Variants in RASGRF1 observed in about 807,000 individuals in gnomAD.
The protein encoded by RASGRF1 is ras-specific guanine nucleotide-releasing factor 1.
In RASGRF1, 40 loss-of-function variants were observed where a neutral mutation model predicts 138.7. The ratio of observed to expected loss-of-function variants is 0.29; its 90% CI spans 0.22 to 0.38. The LOEUF (loss-of-function observed/expected upper bound fraction) is 0.38. Ranked by LOEUF, RASGRF1 falls within the 10% of genes least tolerant of loss-of-function variation. RASGRF1 has a pLI of 1.00. For missense variants in RASGRF1, 1,108 were observed against 1,650.4 expected (o/e 0.67, Z 5.69); for synonymous variants, 614 against 663.2 (o/e 0.93, Z 1.14).
intron 1 of RASGRF1, among the ~76,000 whole-genome samples, chr15:79,065,788 G>C (rs56227215): frequency 0.011 from 1,649 of 152,136 alleles, 35 homozygotes; most frequent in African/African-American, 0.038. Flanking sequence ...CCATCCCTCG[G>C]TGTCCAGGTG....
At chr15:78,996,128 G>C (rs1284762964) in intron 19 of RASGRF1, among the ~76,000 whole-genome samples, 1 of 152,236 alleles carries the variant, frequency 6.6e-6, no homozygotes. Flanking sequence ...TGCCAGCACA[G>C]GACTGGACAT....
intron 24 of RASGRF1, among the ~76,000 whole-genome samples, chr15:78,979,919 T>C (rs2055982335): frequency 6.6e-6 from 1 of 152,208 alleles, no homozygotes; most frequent in South Asian, 2.1e-4. Context: ...TTTGGCAATG[T>C]CTGGAGACAG....
In RASGRF1 at chr15:79,032,338, C is replaced by A. The variant is rs1431806898; in HGVS notation, c.959-22G>T. 6.2e-7 allele frequency: 1 copy of A among 1,611,440 alleles called. No individual in the cohort carries two copies. The highest frequency in any genetic ancestry group is 1.1e-5 in the South Asian group (1 of 90,676). ...TCAGCTGGAAGGACGAGGCAGTCAG[C>A]GGGTGGCTAGGGCAGCTTGGTGGGG... On this transcript the variant is annotated intron_variant, in intron 6 of 26. Coordinates refer to ENST00000558480, the MANE Select transcript of RASGRF1 (RefSeq NM_001145648.3). The surrounding 1 kb of genome is among the most constrained non-coding windows in gnomAD (Gnocchi z 4.5).
rs540903466 is a variant in RASGRF1, at chr15:79,018,100, G to A, written c.1607-194C>T. Among the ~76,000 whole-genome samples the A allele has an allele frequency of 4.6e-5, 7 of 152,368 alleles. No homozygotes were observed. The South Asian group carries it at 6.2e-4, about 14-fold the overall frequency. ...ATTTCAAAGATGGAAGAACTAAGACGTAGCTTACAACCACTCAGGGGCAGT... is the reference window on the plus strand; with the variant it reads ...ATTTCAAAGATGGAAGAACTAAGACATAGCTTACAACCACTCAGGGGCAGT... On this transcript the variant is annotated intron_variant, in intron 11 of 26. Transcript: ENST00000558480.
chr15:78,962,370 A>C, intron 26 of RASGRF1, 134 bp from the exon 27 acceptor site: 1 of 622,480 alleles, frequency 1.6e-6, no homozygotes, highest in East Asian at 2.8e-5. Context: ...GCAAAAATGC[A>C]TTCAGTAGTG....
At chr15:79,079,013 C>G (rs994313268) in intron 1 of RASGRF1, among the ~76,000 whole-genome samples, 2 of 152,354 alleles carry the variant, frequency 1.3e-5, no homozygotes, top group East Asian at 3.9e-4. Context: ...GGCTTAGAAG[C>G]CCTTGAAAGC....
intron 26 of RASGRF1, among the ~76,000 whole-genome samples, chr15:78,968,113 G>A (rs2055678947): frequency 6.6e-6 from 1 of 151,310 alleles, no homozygotes; most frequent in African/African-American, 2.4e-5. Context: ...TATAGAGACA[G>A]GGTCTCACTA....
At chr15:78,990,088 G>A in intron 22 of RASGRF1, 101 bp downstream of exon 22, 1 of 990,758 alleles carries the variant, frequency 1.0e-6, no homozygotes, top group Non-Finnish European at 1.6e-6. Flanking sequence ...GGACCCAGGA[G>A]TCTGGTTCCA....
chr15:78,985,804 A>G (rs537297700), intron 22 of RASGRF1: 1 of 152,332 alleles, frequency 6.6e-6, no homozygotes, highest in East Asian at 1.9e-4. Flanking sequence ...GCATGCCTGT[A>G]ATCTCAGCTA....
In RASGRF1 at chr15:79,015,503, A is replaced by C. The variant is rs967367672; in HGVS notation, c.1744-94T>G. The C allele has an allele frequency of 4.5e-6, 5 of 1,122,086 alleles. 1 individual carries two copies. The highest frequency in any genetic ancestry group is 2.3e-4 in the Middle Eastern group (1 of 4,282). The allele number at this position is 1,122,086 out of a possible 1,614,324, so 69.5% of individuals were successfully genotyped here. A position where few individuals can be genotyped will look rare whatever the true frequency, so the allele number is the denominator to read the frequency against. ...GCCAACTGTAAAGTTCACATGCCTC[A>C]GTCTGATACAGGGTCCTCAAGCTTC... On this transcript the variant is annotated intron_variant, in intron 12 of 26. Coordinates refer to ENST00000558480, the MANE Select transcript of RASGRF1 (RefSeq NM_001145648.3).
Position 79,032,117 on chromosome 15 carries a change from C to T in RASGRF1, c.1152+6G>A, listed in dbSNP as rs370550003. ...TCTACCCCACCCAGGCAGGGCCGGA[C>T]GCCACCTGGAACATGGGGTAGGTGA... On this transcript the variant is annotated splice_donor_region_variant and intron_variant, in intron 7 of 26. Transcript: ENST00000558480. This position sits in a 1 kb window ranked among gnomAD's most constrained non-coding sequence, Gnocchi z 4.5. 4.1e-5 allele frequency: 66 copies of T among 1,612,566 alleles called. No individual in the cohort carries two copies. The highest frequency in any genetic ancestry group is 3.8e-4 in the Admixed American group (23 of 59,912).
At chr15:78,981,817 C>T (rs181826171) in intron 23 of RASGRF1, among the ~76,000 whole-genome samples, 19 of 152,350 alleles carry the variant, frequency 1.2e-4, no homozygotes, top group East Asian at 1.9e-4. Flanking sequence ...ACACACCACA[C>T]GGAGTCAAGG....
At chr15:79,035,942 C>T (rs897684404) in intron 5 of RASGRF1, among the ~76,000 whole-genome samples, 3 of 152,222 alleles carry the variant, frequency 2.0e-5, no homozygotes, top group Admixed American at 6.5e-5. Context: ...CCTGTTTTGT[C>T]GCCACGTAAC....
chr15:79,000,322 A>C (rs1307163965), intron 16 of RASGRF1, among the ~76,000 whole-genome samples: 2 of 152,240 alleles, frequency 1.3e-5, no homozygotes, highest in East Asian at 3.9e-4. Flanking sequence ...GACATCCATA[A>C]CAATTCATAC....
rs2056480062 is a variant in RASGRF1 at position 78,999,840 on chromosome 15, G to A, written c.2649C>T (p.Ala883=). 9 of 1,614,204 alleles carry A rather than the reference G, an allele frequency of 5.6e-6. No individual in the cohort carries two copies. Among genetic ancestry groups the A allele is most frequent in the Non-Finnish European group, 5.1e-6 (6 of 1,180,002 alleles). ...SCRELDNNRS[A]LSAASAFAIA... ...TGGCAAAGGCAGAGGCGGCCGACAAGGCACTGCGGTTATTGTCCAGTTCAC... is the reference window on the plus strand; with the variant it reads ...TGGCAAAGGCAGAGGCGGCCGACAAAGCACTGCGGTTATTGTCCAGTTCAC... Residue 883 remains alanine, a synonymous_variant, in exon 17 of 27, where the codon GCC becomes GCT. Coordinates refer to ENST00000558480, the MANE Select transcript of RASGRF1 (RefSeq NM_001145648.3).
chr15:79,087,165 C>T (rs901432904), intron 1 of RASGRF1, among the ~76,000 whole-genome samples: 8 of 152,202 alleles, frequency 5.3e-5, no homozygotes, highest in African/African-American at 9.7e-5. Flanking sequence ...GGTGCCAGAG[C>T]GCCTTGCATA....
chr15:78,976,327 GGAA>G (rs1297854416), intron 24 of RASGRF1, among the ~76,000 whole-genome samples: 3 of 152,068 alleles, frequency 2.0e-5, no homozygotes, highest in Non-Finnish European at 4.4e-5. Flanking sequence ...TGGCCGCATT[GGAA>G]GAAGAATTGT....
At chr15:79,005,139 G>C (rs963969598) in intron 14 of RASGRF1, 2 of 985,460 alleles carry the variant, frequency 2.0e-6, no homozygotes, top group Non-Finnish European at 2.4e-6. Flanking sequence ...GATCATTGAG[G>C]TTTCAGAAGT....
chr15:79,004,190 G>A lies in RASGRF1; in HGVS notation c.2076-15C>T, dbSNP rs2056617139. On this transcript the variant is annotated splice_polypyrimidine_tract_variant and intron_variant, in intron 14 of 26. Coordinates refer to ENST00000558480, the MANE Select transcript of RASGRF1 (RefSeq NM_001145648.3). ...GCTCCAGCGACCTGTGGGGAGGGCG[G>A]GGGTGAAAATGACAGTTAGCGTAGG... 1.9e-6 allele frequency: 3 copies of A among 1,548,810 alleles called. No individual in the cohort carries two copies. The highest frequency in any genetic ancestry group is 2.7e-5 in the African/African-American group (2 of 73,454).
Sources: allele counts gnomAD v4.1 joint callset (sites outside exome capture counted in the v4.1 genomes callset), GRCh38; gene constraint gnomAD v4.1.1; non-coding constraint Gnocchi (gnomAD v3.1); transcripts MANE v1.5; gene names NCBI Gene and HGNC (gene_info 2026-07-23, HGNC 2026-07-21).